The following MACF1 variants were observed in gnomAD, a reference collection of about 807,000 sequenced individuals.
The protein encoded by MACF1 is microtubule actin crosslinking factor 1.
Under a neutral mutation model 854.8 loss-of-function variants are expected in MACF1, and 193 were observed. That is an observed-to-expected ratio of 0.23 (90% confidence interval 0.20 to 0.25). The LOEUF is 0.25. Among genes scored for constraint, MACF1 ranks in the 10% least tolerant of loss-of-function variants. The pLI is 1.00. For synonymous variants in MACF1, 3,185 were observed against 3,226.7 expected, an observed-to-expected ratio of 0.99 and a Z score of 0.44; for missense variants, 7,722 against 8,929.1, an observed-to-expected ratio of 0.86 and a Z score of 5.45.
At position 39,441,352 on chromosome 1, in the gene MACF1, G is replaced by A. The variant is rs757320352; in HGVS notation, c.18672+27G>A. On this transcript the variant is annotated intron_variant, in intron 74 of 100. Coordinates refer to ENST00000564288, the MANE Select transcript of MACF1 (RefSeq NM_001394062.1). ...TGAGAGGCCAGGAGGTGACCACCAA[G>A]GAAATACAGGTTCTGTTTTTTGCCA... 3.6e-5 allele frequency: 57 copies of A among 1,565,668 alleles called. No homozygotes were observed. In the East Asian group the frequency reaches 1.3e-3, roughly 34 times the overall value.
Position 39,357,821 on chromosome 1 carries a change from A to G in MACF1, c.11871A>G (p.Pro3957=). 1.2e-6 allele frequency: 2 copies of G among 1,614,168 alleles called. No individual in the cohort carries two copies. Among genetic ancestry groups the G allele is most frequent in the South Asian group, 1.1e-5 (1 of 91,086 alleles). The part of the protein sequence containing the change: ...MENSFKEGKE[P]SEIGNLVKDK... ...ACAGTTTTAAGGAAGGCAAAGAACC[A>G]TCAGAAATTGGAAACTTAGTAAAGG... is the stretch of plus-strand genomic sequence containing the variant. Residue 3957 remains proline (P), a synonymous_variant, in exon 45 of 101, where the codon CCA becomes CCG. Coordinates refer to ENST00000564288, the MANE Select transcript of MACF1 (RefSeq NM_001394062.1).
At chr1:39,345,098 T>C (rs988246433) in intron 40 of MACF1, among the ~76,000 whole-genome samples, 8 of 152,198 alleles carry the variant, frequency 5.3e-5, no homozygotes, top group Non-Finnish European at 1.0e-4. Flanking sequence ...CTACTCTCAA[T>C]TGATCTACTC....
chr1:39,383,589 TG>T (rs1274236403), intron 56 of MACF1, among the ~76,000 whole-genome samples: 1 of 151,940 alleles, frequency 6.6e-6, no homozygotes, highest in Non-Finnish European at 1.5e-5. Context: ...ATAATAAGAG[TG>T]GCATTGGCCG....
chr1:39,302,993 A>G lies in MACF1; in HGVS notation c.2704A>G (p.Ser902Gly). ...NSQRTKWKVI[S>G]PTGNEAMVPS... is the part of the protein sequence containing the mutation. ...TCAGCGGACCAAATGGAAAGTGATC[A>G]GCCCCACAGGGAACGAGGCAATGGT... Residue 902 changes from serine (S) to glycine (G), a missense_variant, in exon 23 of 101, where the codon AGC (serine) becomes GGC (glycine). Physicochemically the swap from Ser to Gly is moderately conservative, Grantham distance 56 (BLOSUM62 0). Around this residue, in one of 15 missense-constraint regions of MACF1, gnomAD observed 1,137 missense variants for 1,263.0 expected, o/e 0.90. Coordinates refer to ENST00000564288, the MANE Select transcript of MACF1 (RefSeq NM_001394062.1). 1 of 1,614,238 alleles carries G rather than the reference A, an allele frequency of 6.2e-7. No homozygotes were observed. Among genetic ancestry groups the G allele is most frequent in the Non-Finnish European group, 8.5e-7 (1 of 1,180,026 alleles).
At chr1:39,267,475 C>T (rs1291723244) in intron 6 of MACF1, among the ~76,000 whole-genome samples, 1 of 152,228 alleles carries the variant, frequency 6.6e-6, no homozygotes, top group African/African-American at 2.4e-5. Flanking sequence ...AGGCAATCCG[C>T]CTGCCTTGGC....
chr1:39,435,464 T>C, intron 69 of MACF1, 94 bp from the exon 70 acceptor site: 1 of 1,051,694 alleles, frequency 9.5e-7, no homozygotes. Flanking sequence ...TTTTGTTTGT[T>C]CCTCTTAAAG....
intron 1 of MACF1, among the ~76,000 whole-genome samples, chr1:39,207,499 C>A (rs1207396886): frequency 6.6e-6 from 1 of 151,822 alleles, no homozygotes; most frequent in Non-Finnish European, 1.5e-5. Flanking sequence ...AGGCTGGTCT[C>A]GAACTCCTGA....
chr1:39,251,384 G>A (rs1012189654), intron 3 of MACF1, among the ~76,000 whole-genome samples: 2 of 152,014 alleles, frequency 1.3e-5, no homozygotes, highest in African/African-American at 4.8e-5. Context: ...AATGTGTCTG[G>A]TACATTTAAT....
At chr1:39,419,679 C>A (rs1017622751) in intron 58 of MACF1, among the ~76,000 whole-genome samples, 2 of 152,150 alleles carry the variant, frequency 1.3e-5, no homozygotes, top group Non-Finnish European at 2.9e-5. Flanking sequence ...GTTGCCCAGG[C>A]TGGAGTGCAG....
At chr1:39,321,283 A>G (rs764421034) in intron 31 of MACF1, among the ~76,000 whole-genome samples, 1 of 152,264 alleles carries the variant, frequency 6.6e-6, no homozygotes, top group Non-Finnish European at 1.5e-5. Context: ...AGTGAGAACA[A>G]TAATACCTCA....
At chr1:39,410,932 C>A in intron 58 of MACF1, 1 of 1,613,996 alleles carries the variant, frequency 6.2e-7, no homozygotes, top group Non-Finnish European at 8.5e-7. Context: ...TAGATTTCAG[C>A]AGCACAGTGC....
At chr1:39,263,982 C>T (rs1645199957) in intron 6 of MACF1, among the ~76,000 whole-genome samples, 2 of 151,912 alleles carry the variant, frequency 1.3e-5, no homozygotes, top group Admixed American at 6.6e-5. Flanking sequence ...ACCGTGTTAG[C>T]CAGGATGGTC....
chr1:39,312,541 C>T (rs150828654), intron 26 of MACF1, among the ~76,000 whole-genome samples: 4 of 152,090 alleles, frequency 2.6e-5, no homozygotes, highest in Admixed American at 6.5e-5. Context: ...AACATTGATA[C>T]GGGTTGAGTG....
intron 54 of MACF1, 30 bp from the exon 55 acceptor site, chr1:39,380,214 T>C: frequency 1.9e-6 from 3 of 1,606,574 alleles, no homozygotes; most frequent in Non-Finnish European, 2.5e-6. Flanking sequence ...GTCCAGAATC[T>C]CATGGCATGC....
chr1:39,114,652 T>C (rs1341166160), intron 2 of MACF1, among the ~76,000 whole-genome samples: 2 of 152,220 alleles, frequency 1.3e-5, no homozygotes, highest in African/African-American at 2.4e-5. Flanking sequence ...ATGTCTACCA[T>C]GAACCAGGGA....
chr1:39,130,748 G>T (rs996974527), intron 2 of MACF1, among the ~76,000 whole-genome samples: 1 of 152,150 alleles, frequency 6.6e-6, no homozygotes, highest in Non-Finnish European at 1.5e-5. Context: ...TTGAGAAAAG[G>T]GTTCCTTTTG....
Position 39,310,356 on chromosome 1 carries a change from C to G in MACF1, c.3028C>G (p.Arg1010Gly), listed in dbSNP as rs559849237. 1.9e-6 allele frequency: 3 copies of G among 1,614,022 alleles called. No homozygotes were observed. The highest frequency in any genetic ancestry group is 2.5e-6 in the Non-Finnish European group (3 of 1,179,984). ...RDSVLFSVAD[R>G]LRLEEEVEAC... ...CTCTGTGCTGTTCTCAGTGGCTGAT[C>G]GCTTGCGCTTGGAAGAGGAGGTGGA... is the stretch of plus-strand genomic sequence containing the variant. Residue 1010 changes from arginine to glycine, a missense_variant, in exon 25 of 101, where the codon CGC (arginine) becomes GGC (glycine). Around this residue, in one of 15 missense-constraint regions of MACF1, gnomAD observed 1,137 missense variants for 1,263.0 expected, o/e 0.90. Transcript: ENST00000564288.
Position 39,385,567 on chromosome 1 carries a change from A to G in MACF1, c.13982A>G (p.Asn4661Ser), listed in dbSNP as rs201099014. The G allele has an allele frequency of 1.0e-4, 166 of 1,614,072 alleles. No individual in the cohort carries two copies. Among genetic ancestry groups the G allele is most frequent in the Non-Finnish European group, 1.2e-4 (146 of 1,180,036 alleles). The change falls in exon 57 of 101, where the codon AAT (asparagine) becomes AGT (serine). Residue 4661 changes from asparagine (N) to serine (S), a missense_variant. Coordinates refer to ENST00000564288, the MANE Select transcript of MACF1 (RefSeq NM_001394062.1). ...SQVQKELQSINQKWVELTDKL... is the reference protein window; with the variant it reads ...SQVQKELQSISQKWVELTDKL... ...GTACAGAAAGAACTCCAGAGCATCAATCAGAAATGGGTTGAGCTGACTGAC... is the reference window on the plus strand; with the variant it reads ...GTACAGAAAGAACTCCAGAGCATCAGTCAGAAATGGGTTGAGCTGACTGAC...
chr1:39,307,926 ATG>A (rs1646221676), intron 23 of MACF1, among the ~76,000 whole-genome samples: 1 of 47,430 alleles, frequency 2.1e-5, no homozygotes, highest in Admixed American at 3.0e-4. Flanking sequence ...TTTTTTTGAG[ATG>A]GAGTCTCGCC....
Sources: allele counts gnomAD v4.1 joint callset (sites outside exome capture counted in the v4.1 genomes callset), GRCh38; gene constraint gnomAD v4.1.1; regional missense constraint gnomAD v4.1.1; transcripts MANE v1.5; gene names NCBI Gene and HGNC (gene_info 2026-07-23, HGNC 2026-07-21).